The following STX17 variants were observed in gnomAD, a reference collection of about 807,000 sequenced individuals.
STX17 encodes syntaxin-17.
In STX17, 29 loss-of-function variants were observed where a neutral mutation model predicts 35.9. The observed-to-expected ratio is 0.81, with a 90% confidence interval of 0.60 to 1.10. The LOEUF is 1.10. Among genes scored for constraint, STX17 ranks in the 50% least tolerant of loss-of-function variants. The pLI, the probability that STX17 is intolerant of heterozygous loss-of-function variation, is 0.00. For synonymous variants in STX17, 92 were observed against 118.3 expected, an observed-to-expected ratio of 0.78 and a Z score of 1.44; for missense variants, 312 against 352.3, an observed-to-expected ratio of 0.89 and a Z score of 0.92.
At chr9:99,909,854 T>A (rs1033779166) in intron 1 of STX17, among the ~76,000 whole-genome samples, 75 of 152,320 alleles carry the variant, frequency 4.9e-4, no homozygotes, top group African/African-American at 1.6e-3. Context: ...TATTACACAT[T>A]GTATGCCTGT....
rs1830043564 is a variant in STX17 at position 99,972,957 on chromosome 9, A to G, written c.*4284A>G. On this transcript the variant is annotated 3_prime_UTR_variant, in exon 8 of 8. Transcript: ENST00000259400. Reference sequence around the variant, plus strand: ...GATGTTCTTAAGTAATCAGAGGCCTAATAAAAGGCAGGGGAGTTTCTCTTC... The same window carrying G: ...GATGTTCTTAAGTAATCAGAGGCCTGATAAAAGGCAGGGGAGTTTCTCTTC... Among the ~76,000 whole-genome samples the G allele has an allele frequency of 6.6e-6, 1 of 152,206 alleles. No individual in the cohort carries two copies.
In STX17 at chr9:99,947,050, G is replaced by A. The variant is rs577293591; in HGVS notation, c.190-4010G>A. Among the ~76,000 whole-genome samples, 35 of 151,814 alleles carry A rather than the reference G, an allele frequency of 2.3e-4. 1 individual carries two copies. Among genetic ancestry groups the A allele is most frequent in the African/African-American group, 7.7e-4 (32 of 41,404 alleles). Reference sequence around the variant, plus strand: ...CATTATCTATTCAAATTCATTTTCCGTCTTCTTCTGGAATTCTAAGTAAAT... The same window carrying A: ...CATTATCTATTCAAATTCATTTTCCATCTTCTTCTGGAATTCTAAGTAAAT... On this transcript the variant is annotated intron_variant, in intron 3 of 7. Coordinates refer to ENST00000259400, the MANE Select transcript of STX17 (RefSeq NM_017919.3).
intron 3 of STX17, among the ~76,000 whole-genome samples, chr9:99,950,704 G>A (rs140978302): frequency 3.9e-5 from 6 of 152,060 alleles, no homozygotes; most frequent in Middle Eastern, 3.4e-3. Flanking sequence ...TGCATGAGCC[G>A]TGAGAAATGT....
intron 3 of STX17, among the ~76,000 whole-genome samples, chr9:99,938,563 T>C (rs1829284980): frequency 6.6e-6 from 1 of 152,132 alleles, no homozygotes; most frequent in Non-Finnish European, 1.5e-5. Flanking sequence ...GGTGGATGGA[T>C]TGCCTGAGCT....
At chr9:99,950,569 T>A (rs1375193083) in intron 3 of STX17, among the ~76,000 whole-genome samples, 3 of 152,024 alleles carry the variant, frequency 2.0e-5, no homozygotes, top group Admixed American at 1.3e-4. Flanking sequence ...CACCGTGGAA[T>A]ATAGTGTAAC....
intron 2 of STX17, chr9:99,916,012 T>A: frequency 4.4e-6 from 2 of 455,560 alleles, no homozygotes; most frequent in Non-Finnish European, 8.8e-6. Context: ...TTTTGAACTT[T>A]GAGTGTGTGT....
At chr9:99,906,955 GGT>G (rs1345063867) in intron 1 of STX17, 2 of 152,394 alleles carry the variant, frequency 1.3e-5, no homozygotes, top group Non-Finnish European at 2.9e-5. Context: ...GGCCTCCCGG[GGT>G]CGCGGGGTGG....
chr9:99,925,330 C>T (rs1828967036), intron 2 of STX17, among the ~76,000 whole-genome samples: 1 of 152,068 alleles, frequency 6.6e-6, no homozygotes, highest in Non-Finnish European at 1.5e-5. Flanking sequence ...CATACATTAT[C>T]AGCCCCATTT....
intron 3 of STX17, among the ~76,000 whole-genome samples, chr9:99,943,070 CAATT>C (rs561647630): frequency 9.5e-4 from 144 of 152,292 alleles, no homozygotes; most frequent in Non-Finnish European, 1.8e-3. Context: ...AACAAAGTAT[CAATT>C]AACCTTTTGC....
intron 1 of STX17, chr9:99,907,007 G>A (rs1371614076): frequency 1.3e-5 from 2 of 152,288 alleles, no homozygotes; most frequent in African/African-American, 2.4e-5. Flanking sequence ...GCGCGCTGTA[G>A]GCCCCGGGTC....
chr9:99,950,587 C>A (rs905563985), intron 3 of STX17, among the ~76,000 whole-genome samples: 2 of 151,692 alleles, frequency 1.3e-5, no homozygotes, highest in African/African-American at 4.8e-5. Context: ...AACCATTGAG[C>A]AGGAGGGATA....
At chr9:99,914,450 A>G (rs1308711993) in intron 1 of STX17, among the ~76,000 whole-genome samples, 1 of 152,150 alleles carries the variant, frequency 6.6e-6, no homozygotes, top group African/African-American at 2.4e-5. Context: ...TCTGGCCCCA[A>G]ATGCATACCC....
chr9:99,965,768 A>G (rs1829900160), intron 6 of STX17, among the ~76,000 whole-genome samples: 1 of 152,208 alleles, frequency 6.6e-6, no homozygotes, highest in African/African-American at 2.4e-5. Flanking sequence ...ACCGAAAGAA[A>G]AAGTTAAATA....
At chr9:99,944,419 T>A (rs1427202948) in intron 3 of STX17, among the ~76,000 whole-genome samples, 1 of 152,036 alleles carries the variant, frequency 6.6e-6, no homozygotes, top group Non-Finnish European at 1.5e-5. Flanking sequence ...TTTTCTTTTC[T>A]AATATATATA....
intron 6 of STX17, among the ~76,000 whole-genome samples, chr9:99,960,877 G>A (rs1383798141): frequency 6.6e-6 from 1 of 152,218 alleles, no homozygotes; most frequent in Non-Finnish European, 1.5e-5. Flanking sequence ...AATTCCAAAG[G>A]AAGGAGGCAG....
At chr9:99,959,244 A>T (rs1442581649) in intron 4 of STX17, among the ~76,000 whole-genome samples, 1 of 151,072 alleles carries the variant, frequency 6.6e-6, no homozygotes, top group African/African-American at 2.4e-5. Context: ...TGTGTAGATT[A>T]AAAAAATATG....
intron 2 of STX17, among the ~76,000 whole-genome samples, chr9:99,927,289 A>G (rs867172477): frequency 7.4e-4 from 113 of 152,322 alleles, no homozygotes; most frequent in African/African-American, 2.5e-3. Context: ...ATTTTCAAAC[A>G]TGAATCTCTG....
At chr9:99,965,332 A>C (rs1829893692) in intron 6 of STX17, among the ~76,000 whole-genome samples, 1 of 152,208 alleles carries the variant, frequency 6.6e-6, no homozygotes, top group South Asian at 2.1e-4. Flanking sequence ...GAACATTAGA[A>C]AGTATTTCCC....
chr9:99,964,893 T>A (rs139702402), intron 6 of STX17, among the ~76,000 whole-genome samples: 8 of 152,230 alleles, frequency 5.3e-5, no homozygotes, highest in African/African-American at 1.9e-4. Flanking sequence ...TCCTCCTTAC[T>A]CAAGAAGCAG....
Sources: allele counts gnomAD v4.1 joint callset (sites outside exome capture counted in the v4.1 genomes callset), GRCh38; gene constraint gnomAD v4.1.1; transcripts MANE v1.5; gene names NCBI Gene and HGNC (gene_info 2026-07-23, HGNC 2026-07-21).